SORCS1: variants seen among roughly 807,000 people sequenced by gnomAD.
SORCS1 encodes the protein VPS10 domain-containing receptor SorCS1.
Under a neutral mutation model 146.1 loss-of-function variants are expected in SORCS1, and 60 were observed. That is an observed-to-expected ratio of 0.41 (90% CI 0.33 to 0.51). The LOEUF is 0.51. Among genes scored for constraint, SORCS1 ranks in the 20% least tolerant of loss-of-function variants. SORCS1 has a pLI of 0.21. For missense variants in SORCS1, 1,352 were observed against 1,487.6 expected (o/e 0.91, Z 1.50); for synonymous variants, 637 against 584.0 (o/e 1.09, Z -1.31).
intron 3 of SORCS1, among the ~76,000 whole-genome samples, chr10:106,816,648 C>T (rs1264007677): frequency 6.6e-6 from 1 of 152,028 alleles, no homozygotes; most frequent in African/African-American, 2.4e-5. Flanking sequence ...TATGTTGACA[C>T]AAAAGGTCAT....
At chr10:107,172,340 A>G in the SORCS1 span, among the ~76,000 whole-genome samples, 1 of 152,164 alleles carries the variant, frequency 6.6e-6, no homozygotes, top group Non-Finnish European at 1.5e-5. Context: ...GCCATCATCC[A>G]CTAGATCTTG....
chr10:106,866,894 G>A (rs1490047973), intron 2 of SORCS1, among the ~76,000 whole-genome samples: 3 of 152,216 alleles, frequency 2.0e-5, no homozygotes, highest in African/African-American at 4.8e-5. Flanking sequence ...CACATGCAGA[G>A]ATGAGAAAAA....
intron 4 of SORCS1, 140 bp from the exon 5 acceptor site, chr10:106,761,801 G>A (rs1407955445): frequency 4.3e-6 from 3 of 696,138 alleles, no homozygotes; most frequent in Non-Finnish European, 5.0e-6. Context: ...AGTGCTCCAT[G>A]TGTACCATCT....
At chr10:107,080,085 C>A (rs1208297057) in intron 1 of SORCS1, among the ~76,000 whole-genome samples, 1 of 152,156 alleles carries the variant, frequency 6.6e-6, no homozygotes, top group Non-Finnish European at 1.5e-5. Context: ...TGTTTCCCAG[C>A]AATAAAATTG....
chr10:106,730,115 C>A lies in SORCS1; in HGVS notation c.960-1G>T. The A allele has an allele frequency of 6.2e-7, 1 of 1,614,020 alleles. No homozygotes were observed. The highest frequency in any genetic ancestry group is 8.5e-7 in the Non-Finnish European group (1 of 1,179,960). On this transcript the variant is annotated splice_acceptor_variant, in intron 5 of 25. Transcript: ENST00000263054. LOFTEE classifies it high-confidence loss of function. ...TTCTTTATTTGACCCCATCACAGAC[C>A]TAAAAAATGGAGAAACATGAAAAGA...
chr10:107,163,899 T>C, intron 1 of SORCS1, 70 bp downstream of exon 1: 2 of 1,507,702 alleles, frequency 1.3e-6, no homozygotes, highest in Non-Finnish European at 9.0e-7. Context: ...CAATTCTCCA[T>C]CAGATCACAC....
intron 1 of SORCS1, among the ~76,000 whole-genome samples, chr10:107,084,315 G>A (rs1963597563): frequency 1.3e-5 from 2 of 150,010 alleles, no homozygotes; most frequent in Admixed American, 1.3e-4. Flanking sequence ...ACCGTAGCCA[G>A]GATGGTCTCC....
chr10:107,142,776 T>C (rs1158852807), intron 1 of SORCS1, among the ~76,000 whole-genome samples: 2 of 152,136 alleles, frequency 1.3e-5, no homozygotes, highest in African/African-American at 4.8e-5. Flanking sequence ...ATGGAACAGA[T>C]AAGGCCTTGG....
At chr10:106,620,661 A>G (rs774118975) in intron 19 of SORCS1, 100 bp from the exon 20 acceptor site, 8 of 1,416,176 alleles carry the variant, frequency 5.6e-6, no homozygotes, top group Non-Finnish European at 7.5e-6. Flanking sequence ...TGAAGCCCCC[A>G]AAACCTGGCT....
chr10:106,833,452 C>A (rs1222141733), intron 2 of SORCS1, among the ~76,000 whole-genome samples: 1 of 152,142 alleles, frequency 6.6e-6, no homozygotes, highest in Admixed American at 6.5e-5. Context: ...AATCAGCCGG[C>A]GTACATTGGT....
At chr10:106,811,348 C>A (rs981846602) in intron 3 of SORCS1, among the ~76,000 whole-genome samples, 1 of 152,116 alleles carries the variant, frequency 6.6e-6, no homozygotes, top group African/African-American at 2.4e-5. Flanking sequence ...GAAAATGTAA[C>A]CAAGAGTTTC....
At chr10:107,174,364 C>G in the SORCS1 span, among the ~76,000 whole-genome samples, 64 of 152,036 alleles carry the variant, frequency 4.2e-4, 4 homozygotes, top group Non-Finnish European at 7.4e-5. Context: ...CGCCACCATT[C>G]CCGGCTAATT....
intron 3 of SORCS1, among the ~76,000 whole-genome samples, chr10:106,778,012 A>G (rs12256169): frequency 0.047 from 7,154 of 152,232 alleles, 267 homozygotes; most frequent in East Asian, 0.11. Context: ...GGGGAATAGA[A>G]TCATATCTTA....
At chr10:106,835,779 G>T (rs1329503478) in intron 2 of SORCS1, among the ~76,000 whole-genome samples, 1 of 152,096 alleles carries the variant, frequency 6.6e-6, no homozygotes, top group Non-Finnish European at 1.5e-5. Flanking sequence ...GCCGAGGTGG[G>T]TGGATCAACT....
At chr10:107,148,593 A>C (rs12781860) in intron 1 of SORCS1, among the ~76,000 whole-genome samples, 7,785 of 152,280 alleles carry the variant, frequency 0.051, 274 homozygotes, top group Non-Finnish European at 0.078. Flanking sequence ...CCTGCAACAA[A>C]AGATAAATTA....
At chr10:106,617,601 A>T (rs550994658) in intron 21 of SORCS1, among the ~76,000 whole-genome samples, 274 of 152,194 alleles carry the variant, frequency 1.8e-3, no homozygotes, top group Non-Finnish European at 3.1e-3. Context: ...AATTTCCCCA[A>T]CTGATCACAA....
intron 1 of SORCS1, among the ~76,000 whole-genome samples, chr10:106,963,110 A>ATTTTTTTTTTTTT (rs749174613): frequency 0.017 from 1,263 of 76,210 alleles, 232 homozygotes; most frequent in African/African-American, 0.031. Context: ...AATGGCCAGA[A>ATTTTTTTTTTTTT]TTTTTTTTTT....
chr10:106,618,330 C>T (rs1847515620), intron 20 of SORCS1, 58 bp from the exon 21 acceptor site: 2 of 1,591,492 alleles, frequency 1.3e-6, no homozygotes, highest in South Asian at 1.1e-5. Flanking sequence ...GGTGACACAG[C>T]CACTAACTGT....
At chr10:106,710,492 T>C (rs1854901217) in intron 6 of SORCS1, among the ~76,000 whole-genome samples, 1 of 151,354 alleles carries the variant, frequency 6.6e-6, no homozygotes, top group South Asian at 2.1e-4. Flanking sequence ...AAGACTTTGC[T>C]TTTACTTTAC....
Sources: gnomAD v4.1 joint callset for allele counts (sites outside exome capture counted in the v4.1 genomes callset) on GRCh38, gnomAD v4.1.1 for gene constraint, MANE v1.5 for transcripts, NCBI Gene and HGNC (gene_info 2026-07-23, HGNC 2026-07-21) for gene names.